Variants in TOPBP1 observed in about 807,000 individuals in gnomAD.
TOPBP1 encodes DNA topoisomerase 2-binding protein 1.
Under a neutral mutation model 167.7 loss-of-function variants are expected in TOPBP1, and 28 were observed. That is an observed-to-expected ratio of 0.17 (90% CI 0.12 to 0.23). TOPBP1 has a LOEUF of 0.23. Ranked by LOEUF, TOPBP1 falls within the 10% of genes least tolerant of loss-of-function variation. The pLI, the probability that TOPBP1 is intolerant of heterozygous loss-of-function variation, is 1.00. For missense variants in TOPBP1, 1,554 were observed against 1,809.6 expected (o/e 0.86, Z 2.56); for synonymous variants, 598 against 611.4 (o/e 0.98, Z 0.32).
At chr3:133,657,211 G>A (rs1442947700) in intron 4 of TOPBP1, among the ~76,000 whole-genome samples, 2 of 151,184 alleles carry the variant, frequency 1.3e-5, no homozygotes, top group Non-Finnish European at 2.9e-5. Context: ...AGGCTTGGTG[G>A]TGCATGCCTG....
rs1413263074 is a variant in TOPBP1, at chr3:133,661,132, G to T, written c.-5C>A. ...TTCTTTGTCATTTCTGGACATTTCT[G>T]AACTGTCAAAATAAAGGAACCATTA... is the stretch of plus-strand genomic sequence containing the variant. On this transcript the variant is annotated splice_region_variant and 5_prime_UTR_variant, in exon 2 of 28. Coordinates refer to ENST00000260810, the MANE Select transcript of TOPBP1 (RefSeq NM_007027.4). 2.5e-6 allele frequency: 4 copies of T among 1,573,348 alleles called. No homozygotes were observed. The highest frequency in any genetic ancestry group is 3.4e-6 in the Non-Finnish European group (4 of 1,165,160).
At chr3:133,625,745 A>G (rs1935247169) in intron 16 of TOPBP1, among the ~76,000 whole-genome samples, 1 of 151,930 alleles carries the variant, frequency 6.6e-6, no homozygotes, top group South Asian at 2.1e-4. Flanking sequence ...AAAAAAAAAG[A>G]ATTAAGAAAA....
At chr3:133,622,680 A>G (rs1005109784) in intron 19 of TOPBP1, among the ~76,000 whole-genome samples, 1 of 152,178 alleles carries the variant, frequency 6.6e-6, no homozygotes, top group African/African-American at 2.4e-5. Context: ...TATATTGTAC[A>G]TATAAGAAAA....
chr3:133,659,816 T>G (rs963583775), intron 2 of TOPBP1, among the ~76,000 whole-genome samples: 2 of 152,184 alleles, frequency 1.3e-5, no homozygotes, highest in Non-Finnish European at 2.9e-5. Flanking sequence ...CTATGTATCT[T>G]GTTTGCTACT....
At chr3:133,632,249 A>G (rs941519810) in intron 14 of TOPBP1, among the ~76,000 whole-genome samples, 1 of 151,796 alleles carries the variant, frequency 6.6e-6, no homozygotes, top group Non-Finnish European at 1.5e-5. Context: ...TACTGAAAAT[A>G]CAAAAATTAG....
chr3:133,628,772 G>C (rs978587568), intron 14 of TOPBP1, 39 bp from the exon 15 acceptor site: 2 of 1,266,680 alleles, frequency 1.6e-6, no homozygotes, highest in Non-Finnish European at 2.1e-6. Flanking sequence ...GAGAAAAGAA[G>C]AGAGAGAGAG....
intron 10 of TOPBP1, among the ~76,000 whole-genome samples, 154 bp from the exon 11 acceptor site, chr3:133,644,517 C>T (rs1385842917): frequency 2.0e-5 from 3 of 152,296 alleles, no homozygotes; most frequent in Non-Finnish European, 2.9e-5. Flanking sequence ...GGATTCACCC[C>T]GTCTTCGGGG....
At chr3:133,639,257 T>G (rs941636256) in intron 13 of TOPBP1, among the ~76,000 whole-genome samples, 1 of 152,158 alleles carries the variant, frequency 6.6e-6, no homozygotes, top group Non-Finnish European at 1.5e-5. Flanking sequence ...GTGGCACATA[T>G]ACACCATGGA....
chr3:133,643,138 A>G, intron 12 of TOPBP1, 62 bp downstream of exon 12: 1 of 1,420,736 alleles, frequency 7.0e-7, no homozygotes. Context: ...AATGCTCTCC[A>G]AGAAGTCAAA....
chr3:133,616,885 TG>T lies in TOPBP1; in HGVS notation c.3799del (p.Gln1267SerfsTer9), dbSNP rs1208784627. The T allele has an allele frequency of 1.3e-6, 2 of 1,551,934 alleles. No homozygotes were observed. Among genetic ancestry groups the T allele is most frequent in the Admixed American group, 4.3e-5 (2 of 47,034 alleles). The part of the protein sequence containing the change: ...IEETHEELKK[Q>X]YIFQLSSLNP... Reference sequence around the variant, plus strand: ...CAGAGATGATAACTGAAATATGTACTGTTTTTTTAATTCTTCATGAGTCTCC... The same window carrying T: ...CAGAGATGATAACTGAAATATGTACTTTTTTTTAATTCTTCATGAGTCTCC... On this transcript the variant is annotated frameshift_variant, in exon 23 of 28. Coordinates refer to ENST00000260810, the MANE Select transcript of TOPBP1 (RefSeq NM_007027.4). LOFTEE classifies it high-confidence loss of function.
intron 16 of TOPBP1, 51 bp from the exon 17 acceptor site, chr3:133,624,226 A>T: frequency 6.3e-7 from 1 of 1,586,482 alleles, no homozygotes; most frequent in Non-Finnish European, 8.6e-7. Flanking sequence ...CATCCTCATT[A>T]GTTTAAGATG....
At position 133,631,704 on chromosome 3, in the gene TOPBP1, C is replaced by T. The variant is rs369714695; in HGVS notation, c.2521-2971G>A. Among the ~76,000 whole-genome samples, 81 of 152,202 alleles carry T rather than the reference C, an allele frequency of 5.3e-4. 1 individual carries two copies. Among genetic ancestry groups the T allele is most frequent in the Middle Eastern group, 3.4e-3 (1 of 294 alleles). ...CTCTGTTGCCCGGGCTGTGGCGCGA[C>T]CTTGGTGCAATGCAATCTCTGCCTC... On this transcript the variant is annotated intron_variant, in intron 14 of 27. Transcript: ENST00000260810.
intron 3 of TOPBP1, 51 bp downstream of exon 3, chr3:133,658,965 A>G: frequency 6.5e-7 from 1 of 1,533,214 alleles, no homozygotes; most frequent in Non-Finnish European, 8.7e-7. Context: ...ATTAAAGCAA[A>G]GATAAACCAA....
intron 12 of TOPBP1, among the ~76,000 whole-genome samples, chr3:133,641,923 T>C (rs1265943459): frequency 1.3e-5 from 2 of 152,230 alleles, no homozygotes; most frequent in East Asian, 3.8e-4. Flanking sequence ...AGAATCTTGC[T>C]AACTACCCCA....
chr3:133,635,447 G>C (rs1034303717), intron 14 of TOPBP1, among the ~76,000 whole-genome samples: 1 of 151,954 alleles, frequency 6.6e-6, no homozygotes, highest in East Asian at 1.9e-4. Flanking sequence ...TAGAGATGGC[G>C]GTCTCGCTAT....
chr3:133,626,880 C>A (rs903879699), intron 16 of TOPBP1, among the ~76,000 whole-genome samples: 3 of 152,086 alleles, frequency 2.0e-5, no homozygotes, highest in African/African-American at 7.2e-5. Context: ...GAATGTTACA[C>A]AAATATTTGT....
At chr3:133,660,932 A>C in intron 2 of TOPBP1, 112 bp downstream of exon 2, 1 of 763,402 alleles carries the variant, frequency 1.3e-6, no homozygotes, top group Non-Finnish European at 2.0e-6. Context: ...TGTAGACTAT[A>C]AAATTATTAT....
intron 8 of TOPBP1, among the ~76,000 whole-genome samples, chr3:133,651,372 T>G (rs1057212244): frequency 7.3e-5 from 11 of 151,650 alleles, no homozygotes; most frequent in Non-Finnish European, 1.5e-5. Flanking sequence ...GTATTTTTAG[T>G]AGAGACAGGG....
At chr3:133,601,649 C>T (rs1023202994) in intron 27 of TOPBP1, among the ~76,000 whole-genome samples, 5 of 152,074 alleles carry the variant, frequency 3.3e-5, no homozygotes, top group Admixed American at 6.6e-5. Flanking sequence ...CATTTCATAT[C>T]GGTGTTTTTA....
Sources: allele counts gnomAD v4.1 joint callset (sites outside exome capture counted in the v4.1 genomes callset), GRCh38; gene constraint gnomAD v4.1.1; transcripts MANE v1.5; gene names NCBI Gene and HGNC (gene_info 2026-07-23, HGNC 2026-07-21).